Variants in DPYSL2 observed in about 807,000 individuals in gnomAD.
The protein encoded by DPYSL2 is dihydropyrimidinase-related protein 2.
A neutral mutation model predicts 69.9 loss-of-function variants in DPYSL2; 13 were observed. The ratio of observed to expected loss-of-function variants is 0.19; its 90% CI spans 0.12 to 0.30. The LOEUF (loss-of-function observed/expected upper bound fraction) is 0.30. Ranked by LOEUF, DPYSL2 falls within the 10% of genes least tolerant of loss-of-function variation. The probability of loss-of-function intolerance (pLI) is 1.00; values close to 1 mark genes in which losing one functional copy is unlikely to be tolerated. For missense variants in DPYSL2, 587 were observed against 918.9 expected, an observed-to-expected ratio of 0.64 and a Z score of 4.67; for synonymous variants, 326 against 359.1, an observed-to-expected ratio of 0.91 and a Z score of 1.04.
At position 26,587,751 on chromosome 8, in the gene DPYSL2, G is replaced by A. The variant is rs1228671165; in HGVS notation, c.628+3768G>A. Among the ~76,000 whole-genome samples, 1 of 152,164 alleles carries A rather than the reference G, an allele frequency of 6.6e-6. No homozygotes were observed. The highest frequency in any genetic ancestry group is 1.5e-5 in the Non-Finnish European group (1 of 68,048). ...ATACCCTGCAGGCGGCATCCAGACC[G>A]GCTGAGGGGTTGCGGGGGCGGCCGC... On this transcript the variant is annotated intron_variant, in intron 3 of 13. Transcript: ENST00000521913. This position sits in a 1 kb window ranked among gnomAD's most constrained non-coding sequence, Gnocchi z 4.2.
chr8:26,579,768 C>T (rs1240879404), intron 1 of DPYSL2, among the ~76,000 whole-genome samples: 1 of 152,134 alleles, frequency 6.6e-6, no homozygotes. Flanking sequence ...TGTGTGTTCA[C>T]TGTGCAGGAG....
At position 26,627,642 on chromosome 8, in the gene DPYSL2, C is replaced by G. The variant is rs1006783081; in HGVS notation, c.937-230C>G. ...GCAAATGCACCAGTCGTCAGCATCC[C>G]AGGGAACAGCTGAATGGGTTTTGGG... On this transcript the variant is annotated intron_variant, in intron 6 of 13. Transcript: ENST00000521913. This position sits in a 1 kb window ranked among gnomAD's most constrained non-coding sequence, Gnocchi z 6.9. Among the ~76,000 whole-genome samples, 2 of 152,174 alleles carry G rather than the reference C, an allele frequency of 1.3e-5. No individual in the cohort carries two copies. Among genetic ancestry groups the G allele is most frequent in the Non-Finnish European group, 2.9e-5 (2 of 68,046 alleles).
chr8:26,573,205 G>T (rs1263788533), intron 1 of DPYSL2, among the ~76,000 whole-genome samples: 1 of 152,162 alleles, frequency 6.6e-6, no homozygotes, highest in Non-Finnish European at 1.5e-5. Context: ...GAGAAGGGGA[G>T]GCTGCCAAGA....
rs77058911 is a variant in DPYSL2, at chr8:26,639,251, C to T, written c.1127-4188C>T. ...AAGGGGGATGAGAGAGGAGAGAGGA[C>T]AGTAGAGAAAGGGGGAAGATTTATT... On this transcript the variant is annotated intron_variant, in intron 8 of 13. Transcript: ENST00000521913. Among the ~76,000 whole-genome samples, 1,069 of 152,132 alleles carry T rather than the reference C, an allele frequency of 7.0e-3. 6 individuals are homozygous for T. Among genetic ancestry groups the T allele is most frequent in the South Asian group, 0.032 (153 of 4,818 alleles).
intron 1 of DPYSL2, among the ~76,000 whole-genome samples, chr8:26,555,598 T>A (rs941070729): frequency 5.9e-5 from 9 of 151,982 alleles, no homozygotes; most frequent in Non-Finnish European, 1.0e-4. Flanking sequence ...AAAGAAGATC[T>A]AAATATATGG....
chr8:26,628,238 T>C (rs1199854259), intron 7 of DPYSL2, among the ~76,000 whole-genome samples: 1 of 152,234 alleles, frequency 6.6e-6, no homozygotes, highest in Non-Finnish European at 1.5e-5. Context: ...CATCCTGCAA[T>C]GTAGATTTTA....
intron 1 of DPYSL2, among the ~76,000 whole-genome samples, chr8:26,581,669 C>T (rs62491907): frequency 0.11 from 17,393 of 151,930 alleles, 1,073 homozygotes; most frequent in Middle Eastern, 0.16. Flanking sequence ...CCACCGTGCC[C>T]GGCCCTATCT....
chr8:26,618,876 C>G (rs1377290353), intron 3 of DPYSL2, among the ~76,000 whole-genome samples: 1 of 151,556 alleles, frequency 6.6e-6, no homozygotes, highest in African/African-American at 2.4e-5. Flanking sequence ...GAGAATTGCT[C>G]GAACCCAGGA....
chr8:26,572,783 G>A (rs943153759), intron 1 of DPYSL2, among the ~76,000 whole-genome samples: 4 of 152,174 alleles, frequency 2.6e-5, no homozygotes, highest in Non-Finnish European at 5.9e-5. Flanking sequence ...ACAGGCATGA[G>A]CTACTGCGCC....
At chr8:26,554,655 C>A (rs1800916605) in intron 1 of DPYSL2, among the ~76,000 whole-genome samples, 2 of 152,078 alleles carry the variant, frequency 1.3e-5, no homozygotes, top group South Asian at 4.1e-4. Context: ...TTGGGTTTTA[C>A]ATTTAAGCCT....
chr8:26,550,595 A>G (rs1800858410), intron 1 of DPYSL2, among the ~76,000 whole-genome samples: 2 of 152,244 alleles, frequency 1.3e-5, no homozygotes, highest in Admixed American at 1.3e-4. Context: ...ATGGAGAAAG[A>G]TATGTTATGT....
chr8:26,563,894 G>T (rs1585511341), intron 1 of DPYSL2, among the ~76,000 whole-genome samples: 1 of 152,126 alleles, frequency 6.6e-6, no homozygotes, highest in East Asian at 1.9e-4. Context: ...AAAGAGTCAG[G>T]AATAAAGCTT....
Position 26,585,252 on chromosome 8 carries a change from G to A in DPYSL2, c.628+1269G>A, listed in dbSNP as rs543983199. ...AACCTTTCTTACTGGTTATTTTTCCGAGTGGTGGTCTTTTTGCTTGTGGCT... is the reference window on the plus strand; with the variant it reads ...AACCTTTCTTACTGGTTATTTTTCCAAGTGGTGGTCTTTTTGCTTGTGGCT... On this transcript the variant is annotated intron_variant, in intron 3 of 13. Coordinates refer to ENST00000521913, the MANE Select transcript of DPYSL2 (RefSeq NM_001197293.3). This position sits in a 1 kb window ranked among gnomAD's most constrained non-coding sequence, Gnocchi z 4.0. Among the ~76,000 whole-genome samples, 36 of 152,202 alleles carry A rather than the reference G, an allele frequency of 2.4e-4. No individual in the cohort carries two copies. The Middle Eastern group carries it at 0.02, about 86-fold the overall frequency.
rs1803337009 is a variant in DPYSL2, at chr8:26,654,258, T to G, written c.1942+861T>G. ...GTTAGTTGTATTTGCTTGGGTAATTTGTGTGATATCCCCTTGGTGAGAGGA... is the reference window on the plus strand; with the variant it reads ...GTTAGTTGTATTTGCTTGGGTAATTGGTGTGATATCCCCTTGGTGAGAGGA... On this transcript the variant is annotated intron_variant, in intron 13 of 13. Coordinates refer to ENST00000521913, the MANE Select transcript of DPYSL2 (RefSeq NM_001197293.3). The surrounding 1 kb of genome is among the most constrained non-coding windows in gnomAD (Gnocchi z 5.0). Among the ~76,000 whole-genome samples the G allele has an allele frequency of 6.6e-6, 1 of 152,216 alleles. No individual in the cohort carries two copies. Among genetic ancestry groups the G allele is most frequent in the African/African-American group, 2.4e-5 (1 of 41,446 alleles).
intron 1 of DPYSL2, among the ~76,000 whole-genome samples, chr8:26,529,446 AGCTGGGACTATAGGTGT>A (rs1800459770): frequency 1.3e-5 from 2 of 151,954 alleles, no homozygotes; most frequent in African/African-American, 4.8e-5. Flanking sequence ...TTTCTTGAGT[AGCTGGGACTATAGGTGT>A]GTACCACCAC....
chr8:26,587,178 GA>G lies in DPYSL2; in HGVS notation c.628+3198del, dbSNP rs1177570891. Among the ~76,000 whole-genome samples the G allele has an allele frequency of 6.6e-6, 1 of 152,210 alleles. No homozygotes were observed. The highest frequency in any genetic ancestry group is 1.5e-5 in the Non-Finnish European group (1 of 68,038). On this transcript the variant is annotated intron_variant, in intron 3 of 13. Coordinates refer to ENST00000521913, the MANE Select transcript of DPYSL2 (RefSeq NM_001197293.3). The surrounding 1 kb of genome is among the most constrained non-coding windows in gnomAD (Gnocchi z 4.2). ...TACAGAGAAGGAGGCCTTGCAAAGA[GA>G]AATAGCTTAATGCCACTTCATTGGC...
intron 3 of DPYSL2, among the ~76,000 whole-genome samples, chr8:26,613,555 T>C (rs941585490): frequency 2.0e-5 from 3 of 152,134 alleles, no homozygotes; most frequent in African/African-American, 7.2e-5. Context: ...TTCCTGAGAC[T>C]AAAGAGGGTC....
chr8:26,645,484 T>G (rs966169354), intron 10 of DPYSL2, among the ~76,000 whole-genome samples: 31 of 152,206 alleles, frequency 2.0e-4, no homozygotes, highest in Non-Finnish European at 1.2e-4. Flanking sequence ...TGGAAATATC[T>G]CCACCTGCTT....
In DPYSL2 at chr8:26,640,779, C is replaced by G. The variant is rs149753279; in HGVS notation, c.1127-2660C>G. On this transcript the variant is annotated intron_variant, in intron 8 of 13. Transcript: ENST00000521913. This position sits in a 1 kb window ranked among gnomAD's most constrained non-coding sequence, Gnocchi z 4.2. ...AAATGAACCACAGGATGGCTCCATC[C>G]CTCCCCTGGCATCCACTGCCCCTGC... Among the ~76,000 whole-genome samples the G allele has an allele frequency of 6.5e-4, 99 of 152,276 alleles. 2 individuals carry two copies. In the East Asian group the frequency reaches 0.018, roughly 28 times the overall value.
Sources: allele counts gnomAD v4.1 joint callset (sites outside exome capture counted in the v4.1 genomes callset), GRCh38; gene constraint gnomAD v4.1.1; non-coding constraint Gnocchi (gnomAD v3.1); transcripts MANE v1.5; gene names NCBI Gene and HGNC (gene_info 2026-07-23, HGNC 2026-07-21).